Variants in CLSTN2 observed in about 807,000 individuals in gnomAD.
The protein encoded by CLSTN2 is calsyntenin-2.
In CLSTN2, 48 loss-of-function variants were observed where a neutral mutation model predicts 101.2. The ratio of observed to expected loss-of-function variants is 0.47; its 90% CI spans 0.38 to 0.60. The LOEUF (loss-of-function observed/expected upper bound fraction) is 0.60, where lower values mean the gene tolerates loss of function less well. Ranked by LOEUF, CLSTN2 falls within the 20% of genes least tolerant of loss-of-function variation. CLSTN2 has a pLI of 0.00. For missense variants in CLSTN2, 1,160 were observed against 1,238.2 expected, an observed-to-expected ratio of 0.94 and a Z score of 0.95; for synonymous variants, 481 against 463.6, an observed-to-expected ratio of 1.04 and a Z score of -0.48.
At chr3:140,545,715 G>T (rs1053498099) in intron 9 of CLSTN2, among the ~76,000 whole-genome samples, 1 of 152,154 alleles carries the variant, frequency 6.6e-6, no homozygotes, top group African/African-American at 2.4e-5. Flanking sequence ...TTCCAAGCTG[G>T]CATGGCAACA....
At chr3:139,975,841 G>C (rs900655301) in intron 1 of CLSTN2, among the ~76,000 whole-genome samples, 12 of 152,124 alleles carry the variant, frequency 7.9e-5, no homozygotes, top group Non-Finnish European at 1.5e-4. Context: ...CACAACACAG[G>C]AGCTGCCACA....
At chr3:140,389,168 G>A (rs1174636280) in intron 2 of CLSTN2, among the ~76,000 whole-genome samples, 1 of 152,062 alleles carries the variant, frequency 6.6e-6, no homozygotes, top group Non-Finnish European at 1.5e-5. Flanking sequence ...GGATACATGT[G>A]CAGGAAGTGC....
At chr3:140,261,350 T>A (rs373448725) in intron 2 of CLSTN2, among the ~76,000 whole-genome samples, 2 of 152,216 alleles carry the variant, frequency 1.3e-5, no homozygotes, top group African/African-American at 2.4e-5. Context: ...GTTGCTTAGA[T>A]GGTTAACAGC....
intron 1 of CLSTN2, among the ~76,000 whole-genome samples, chr3:139,995,183 T>C (rs191823953): frequency 3.9e-5 from 6 of 152,270 alleles, no homozygotes; most frequent in South Asian, 2.1e-4. Flanking sequence ...CAGGGAGGCA[T>C]TGGAGGAATC....
intron 1 of CLSTN2, among the ~76,000 whole-genome samples, chr3:139,962,445 A>G (rs1935528398): frequency 6.6e-6 from 1 of 152,028 alleles, no homozygotes; most frequent in Non-Finnish European, 1.5e-5. Context: ...CTCCCTTCCA[A>G]CCTCATTCTT....
intron 1 of CLSTN2, among the ~76,000 whole-genome samples, chr3:140,158,453 A>G (rs910066272): frequency 6.6e-6 from 1 of 152,182 alleles, no homozygotes; most frequent in African/African-American, 2.4e-5. Context: ...TACACTAGCT[A>G]TGAAAAAATT....
At chr3:140,454,482 A>G (rs1041641125) in intron 6 of CLSTN2, 2 of 152,156 alleles carry the variant, frequency 1.3e-5, no homozygotes, top group Non-Finnish European at 1.5e-5. Flanking sequence ...AAGGACATCA[A>G]AAAGTCCTCT....
At chr3:140,332,254 A>G (rs1161110404) in intron 2 of CLSTN2, among the ~76,000 whole-genome samples, 1 of 152,206 alleles carries the variant, frequency 6.6e-6, no homozygotes, top group Non-Finnish European at 1.5e-5. Flanking sequence ...ATATACGAGG[A>G]CAAGAAATGC....
chr3:140,166,608 T>A (rs979719337), intron 1 of CLSTN2, among the ~76,000 whole-genome samples: 9 of 152,054 alleles, frequency 5.9e-5, no homozygotes, highest in African/African-American at 2.2e-4. Context: ...TTAATACACT[T>A]TTTTTGCAGT....
At chr3:140,456,571 G>A (rs1307572434) in intron 6 of CLSTN2, among the ~76,000 whole-genome samples, 1 of 152,142 alleles carries the variant, frequency 6.6e-6, no homozygotes, top group Non-Finnish European at 1.5e-5. Flanking sequence ...CAGATCACCT[G>A]AGGTCAGGAG....
At chr3:140,055,412 G>T (rs1169585985) in intron 1 of CLSTN2, among the ~76,000 whole-genome samples, 1 of 152,204 alleles carries the variant, frequency 6.6e-6, no homozygotes, top group Non-Finnish European at 1.5e-5. Context: ...GTTCTTGGGA[G>T]AAAGCTTGTT....
intron 2 of CLSTN2, among the ~76,000 whole-genome samples, chr3:140,296,972 G>A (rs2087011106): frequency 6.6e-6 from 1 of 152,212 alleles, no homozygotes; most frequent in Non-Finnish European, 1.5e-5. Flanking sequence ...CTGGGTGGAT[G>A]GGTGGATGGT....
At chr3:140,131,530 G>A (rs778017720) in intron 1 of CLSTN2, among the ~76,000 whole-genome samples, 2 of 152,058 alleles carry the variant, frequency 1.3e-5, no homozygotes, top group African/African-American at 2.4e-5. Flanking sequence ...TGTCAAGTTC[G>A]TAGTTCACAT....
chr3:139,997,013 C>T (rs1477627289), intron 1 of CLSTN2, among the ~76,000 whole-genome samples: 2 of 148,178 alleles, frequency 1.3e-5, no homozygotes, highest in Non-Finnish European at 3.0e-5. Context: ...CGCCATTGCA[C>T]TCCAGCCTGG....
intron 8 of CLSTN2, among the ~76,000 whole-genome samples, chr3:140,510,982 G>A (rs566667016): frequency 6.6e-6 from 1 of 152,274 alleles, no homozygotes; most frequent in East Asian, 1.9e-4. Context: ...GTGTCCGTTA[G>A]CTATTCTTTC....
chr3:140,339,309 TTCTC>T (rs111720072), intron 2 of CLSTN2, among the ~76,000 whole-genome samples: 7 of 149,954 alleles, frequency 4.7e-5, no homozygotes, highest in Non-Finnish European at 8.9e-5. Context: ...AGCAGACTGA[TTCTC>T]TCTCTCTCTC....
chr3:140,165,812 T>C (rs180901253), intron 1 of CLSTN2, among the ~76,000 whole-genome samples: 8 of 152,324 alleles, frequency 5.3e-5, no homozygotes, highest in Admixed American at 2.0e-4. Context: ...ATAATAATTA[T>C]AGTTAGAAAT....
Position 140,193,450 on chromosome 3 carries a change from T to G in CLSTN2, c.232+17377T>G, listed in dbSNP as rs150377750. 8.8e-3 allele frequency among the ~76,000 whole-genome samples: 1,334 copies of G among 152,060 alleles called. 13 individuals are homozygous for G. The highest frequency in any genetic ancestry group is 0.028 in the African/African-American group (1,181 of 41,546). On this transcript the variant is annotated intron_variant, in intron 2 of 16. Coordinates refer to ENST00000458420, the MANE Select transcript of CLSTN2 (RefSeq NM_022131.3). ...TTGAAAATTCTTTTCTTTCACCACCTGAAAAATGTTGTGCCCTTCCTTCTA... is the reference window on the plus strand; with the variant it reads ...TTGAAAATTCTTTTCTTTCACCACCGGAAAAATGTTGTGCCCTTCCTTCTA...
At chr3:140,119,758 C>T (rs937791553) in intron 1 of CLSTN2, among the ~76,000 whole-genome samples, 14 of 152,172 alleles carry the variant, frequency 9.2e-5, no homozygotes, top group African/African-American at 3.1e-4. Flanking sequence ...GTTTCAGCCT[C>T]CCCAAGTGCT....
Sources: gnomAD v4.1 joint callset for allele counts (sites outside exome capture counted in the v4.1 genomes callset) on GRCh38, gnomAD v4.1.1 for gene constraint, MANE v1.5 for transcripts, NCBI Gene and HGNC (gene_info 2026-07-23, HGNC 2026-07-21) for gene names.